COL21A1: variants seen among roughly 807,000 people sequenced by gnomAD.
COL21A1 encodes collagen alpha-1(XXI) chain.
A neutral mutation model predicts 137.9 loss-of-function variants in COL21A1; 149 were observed. The ratio of observed to expected loss-of-function variants is 1.08; its 90% confidence interval spans 0.95 to 1.24. The LOEUF is 1.24. Ranked by LOEUF, COL21A1 falls within the 50% of genes most tolerant of loss-of-function variation. The probability of loss-of-function intolerance (pLI) is 0.00; values close to 1 mark genes in which losing one functional copy is unlikely to be tolerated. For synonymous variants in COL21A1, 456 were observed against 391.5 expected, an observed-to-expected ratio of 1.16 and a Z score of -1.95; for missense variants, 1,167 against 1,158.4, an observed-to-expected ratio of 1.01 and a Z score of -0.11.
intron 17 of COL21A1, among the ~76,000 whole-genome samples, chr6:56,099,311 G>A (rs1770215921): frequency 1.4e-5 from 2 of 142,134 alleles, no homozygotes; most frequent in Admixed American, 7.6e-5. Flanking sequence ...TCGGCTCACT[G>A]CAAGCTCCGC....
intron 1 of COL21A1, among the ~76,000 whole-genome samples, chr6:56,352,550 A>G (rs1291596461): frequency 6.6e-6 from 1 of 151,880 alleles, no homozygotes; most frequent in Non-Finnish European, 1.5e-5. Flanking sequence ...GAAAAAAAAA[A>G]GAAAAAATGC....
chr6:56,178,996 T>C (rs1248110282), intron 3 of COL21A1, among the ~76,000 whole-genome samples: 1 of 151,562 alleles, frequency 6.6e-6, no homozygotes, highest in African/African-American at 2.4e-5. Context: ...AGAAATAAAC[T>C]AAATGTACAA....
At chr6:56,146,461 C>T (rs886199837) in intron 10 of COL21A1, among the ~76,000 whole-genome samples, 5 of 152,024 alleles carry the variant, frequency 3.3e-5, no homozygotes, top group Non-Finnish European at 7.4e-5. Context: ...TGCTACTTAA[C>T]CCAACTATTA....
At chr6:56,144,919 TG>T (rs1774719041) in intron 10 of COL21A1, among the ~76,000 whole-genome samples, 1 of 152,228 alleles carries the variant, frequency 6.6e-6, no homozygotes, top group African/African-American at 2.4e-5. Context: ...TACCATAAAC[TG>T]TTATTATTAT....
intron 1 of COL21A1, among the ~76,000 whole-genome samples, chr6:56,269,229 G>T (rs1037111876): frequency 1.3e-5 from 2 of 152,110 alleles, no homozygotes; most frequent in African/African-American, 4.8e-5. Flanking sequence ...TTGCTAGACA[G>T]CTAACATGCC....
intron 1 of COL21A1, among the ~76,000 whole-genome samples, chr6:56,260,585 AAAG>A (rs70986789): frequency 0.25 from 23,255 of 91,682 alleles, 3,994 homozygotes; most frequent in Non-Finnish European, 0.36. Flanking sequence ...AAAAAAAAAG[AAAG>A]AAGAAGAAGA....
chr6:56,375,534 G>A (rs937465200), intron 1 of COL21A1, among the ~76,000 whole-genome samples: 8 of 152,176 alleles, frequency 5.3e-5, no homozygotes, highest in African/African-American at 1.9e-4. Flanking sequence ...TTCTTGCCCT[G>A]TCAGGATGAG....
chr6:56,328,746 AC>A (rs1302907961), intron 1 of COL21A1, among the ~76,000 whole-genome samples: 1 of 152,088 alleles, frequency 6.6e-6, no homozygotes, highest in African/African-American at 2.4e-5. Flanking sequence ...ATGTTTTCCC[AC>A]CCACTATCTT....
At chr6:56,232,718 A>G (rs1236586052) in intron 1 of COL21A1, among the ~76,000 whole-genome samples, 1 of 151,960 alleles carries the variant, frequency 6.6e-6, no homozygotes, top group Non-Finnish European at 1.5e-5. Context: ...CTCTTATTTT[A>G]CTACATCATC....
At chr6:56,340,716 C>T (rs922024408) in intron 1 of COL21A1, among the ~76,000 whole-genome samples, 10 of 152,166 alleles carry the variant, frequency 6.6e-5, no homozygotes, top group Non-Finnish European at 1.2e-4. Context: ...CAATGAACGA[C>T]GTTTTCCAAT....
At chr6:56,135,634 T>C (rs897236990) in intron 12 of COL21A1, among the ~76,000 whole-genome samples, 8 of 152,164 alleles carry the variant, frequency 5.3e-5, no homozygotes, top group African/African-American at 1.9e-4. Flanking sequence ...GAAAAACTAC[T>C]GAGAAATATA....
chr6:56,155,845 C>T (rs539491766), intron 10 of COL21A1, among the ~76,000 whole-genome samples: 31 of 152,248 alleles, frequency 2.0e-4, no homozygotes, highest in African/African-American at 7.0e-4. Context: ...TCAAGTGATC[C>T]ACCCACCTAA....
chr6:56,316,955 T>C (rs1024698491), intron 1 of COL21A1, among the ~76,000 whole-genome samples: 3 of 152,168 alleles, frequency 2.0e-5, no homozygotes, highest in Admixed American at 6.5e-5. Flanking sequence ...TGTCATTTAG[T>C]ATACAAAGAC....
intron 1 of COL21A1, among the ~76,000 whole-genome samples, chr6:56,281,893 A>G (rs754938215): frequency 3.9e-5 from 6 of 152,236 alleles, no homozygotes; most frequent in Non-Finnish European, 8.8e-5. Context: ...TAAGAAAGAT[A>G]TAGAAAAATA....
intron 9 of COL21A1, among the ~76,000 whole-genome samples, chr6:56,159,422 C>T (rs1028754365): frequency 1.1e-4 from 16 of 151,718 alleles, no homozygotes; most frequent in Admixed American, 4.6e-4. Context: ...AACCTCCACC[C>T]CGCAGGTTCA....
chr6:56,059,294 G>T, intron 28 of COL21A1, 52 bp from the exon 29 acceptor site: 1 of 1,263,594 alleles, frequency 7.9e-7, no homozygotes, highest in Non-Finnish European at 1.1e-6. Flanking sequence ...CTGCCTTCTA[G>T]ATTGTTTCAT....
chr6:56,359,611 G>A (rs1400805731), intron 1 of COL21A1, among the ~76,000 whole-genome samples: 1 of 152,168 alleles, frequency 6.6e-6, no homozygotes, highest in Non-Finnish European at 1.5e-5. Flanking sequence ...TTCTAAAGGA[G>A]ACATTTCTGA....
At chr6:56,236,790 A>T (rs1481254209) in intron 1 of COL21A1, among the ~76,000 whole-genome samples, 1 of 152,004 alleles carries the variant, frequency 6.6e-6, no homozygotes, top group Non-Finnish European at 1.5e-5. Context: ...CCTAATGGCC[A>T]CTGAAATTAA....
intron 1 of COL21A1, among the ~76,000 whole-genome samples, chr6:56,241,791 A>C (rs1027585966): frequency 1.3e-5 from 2 of 152,252 alleles, no homozygotes; most frequent in African/African-American, 4.8e-5. Flanking sequence ...ATCCAGTGAT[A>C]CATCATGCTA....
Sources: gnomAD v4.1 joint callset for allele counts (sites outside exome capture counted in the v4.1 genomes callset) on GRCh38, gnomAD v4.1.1 for gene constraint, MANE v1.5 for transcripts, NCBI Gene and HGNC (gene_info 2026-07-23, HGNC 2026-07-21) for gene names.